CFAP47: variants seen among roughly 807,000 people sequenced by gnomAD.
CFAP47 encodes the protein cilia and flagella associated protein 47.
CFAP47 carries 29 observed loss-of-function variants against 148.1 expected under a neutral mutation model. That is an observed-to-expected ratio of 0.20 (90% CI 0.15 to 0.27). The LOEUF (loss-of-function observed/expected upper bound fraction) is 0.27, where lower values mean the gene tolerates loss of function less well. CFAP47 is among the 10% of genes least tolerant of loss of function. The pLI is 1.00. For synonymous variants in CFAP47, 664 were observed against 577.3 expected, an observed-to-expected ratio of 1.15 and a Z score of -2.15; for missense variants, 1,872 against 1,697.5, an observed-to-expected ratio of 1.10 and a Z score of -1.81.
intron 39 of CFAP47, among the ~76,000 whole-genome samples, chrX:36,161,786 G>A (rs1939434249): frequency 8.9e-6 from 1 of 111,850 alleles, no homozygotes; most frequent in African/African-American, 3.2e-5. Flanking sequence ...AAGGATTTTG[G>A]TAATTTCTTA....
intron 26 of CFAP47, among the ~76,000 whole-genome samples, chrX:36,064,759 T>C (rs747909773): frequency 8.9e-6 from 1 of 111,874 alleles, no homozygotes; most frequent in South Asian, 3.7e-4. Flanking sequence ...TAAGGTGATA[T>C]AGATATAAAA....
chrX:35,938,525 T>A (rs1935951179), intron 2 of CFAP47, among the ~76,000 whole-genome samples: 1 of 111,377 alleles, frequency 9.0e-6, no homozygotes, highest in Admixed American at 9.6e-5. Context: ...AAGCAAAGTA[T>A]TACTGGAAAT....
chrX:36,232,814 G>C (rs1171552398), intron 46 of CFAP47, among the ~76,000 whole-genome samples: 4 of 111,689 alleles, frequency 3.6e-5, no homozygotes, highest in Non-Finnish European at 7.5e-5. Context: ...GGTATGTTGT[G>C]TCTTTGTTCT....
At chrX:36,025,431 C>T (rs865862284) in intron 22 of CFAP47, among the ~76,000 whole-genome samples, 6 of 108,854 alleles carry the variant, frequency 5.5e-5, no homozygotes, top group Admixed American at 9.9e-5. Flanking sequence ...GCTAGAAATT[C>T]GAGACCAACC....
chrX:36,028,801 T>C (rs1243742614), intron 22 of CFAP47, among the ~76,000 whole-genome samples: 1 of 111,113 alleles, frequency 9.0e-6, no homozygotes, highest in Non-Finnish European at 1.9e-5. Flanking sequence ...AGGGATAGTT[T>C]GACTTCCTCT....
intron 56 of CFAP47, 120 bp downstream of exon 56, chrX:36,311,109 T>C: frequency 2.3e-6 from 1 of 441,749 alleles, no homozygotes; most frequent in Non-Finnish European, 3.5e-6. Context: ...AAGAAAATTA[T>C]CTTATAAAAG....
At chrX:35,956,966 C>A (rs772508611) in intron 8 of CFAP47, among the ~76,000 whole-genome samples, 6 of 110,884 alleles carry the variant, frequency 5.4e-5, no homozygotes, top group Non-Finnish European at 9.4e-5. Context: ...AATCCCAGTA[C>A]TTTGGGAGGC....
At chrX:36,043,486 A>G (rs768166954) in intron 25 of CFAP47, among the ~76,000 whole-genome samples, 106 of 113,073 alleles carry the variant, frequency 9.4e-4, no homozygotes, top group African/African-American at 2.5e-3. Flanking sequence ...TCCATATTCC[A>G]AATAGGAGAA....
At chrX:36,128,488 TA>T (rs1938886195) in intron 33 of CFAP47, among the ~76,000 whole-genome samples, 2 of 111,394 alleles carry the variant, frequency 1.8e-5, no homozygotes, top group Admixed American at 1.9e-4. Context: ...GCATATAAGA[TA>T]TTTTTGGTGC....
At chrX:36,146,011 T>G (rs1375756027) in intron 36 of CFAP47, among the ~76,000 whole-genome samples, 7 of 111,386 alleles carry the variant, frequency 6.3e-5, no homozygotes, top group Non-Finnish European at 1.1e-4. Context: ...ATTTACTTTA[T>G]TTCTTTCCTT....
At chrX:35,971,079 A>G (rs758414762) in intron 11 of CFAP47, among the ~76,000 whole-genome samples, 156 bp downstream of exon 11, 1 of 111,793 alleles carries the variant, frequency 8.9e-6, no homozygotes, top group South Asian at 3.7e-4. Flanking sequence ...AACTACAATT[A>G]TTTCTTTTGT....
At chrX:36,062,123 C>A (rs768097612) in intron 26 of CFAP47, among the ~76,000 whole-genome samples, 4 of 111,244 alleles carry the variant, frequency 3.6e-5, no homozygotes, top group Non-Finnish European at 7.5e-5. Context: ...CTGTCCATTT[C>A]TCTGTGAATT....
chrX:35,970,940 CA>C lies in CFAP47; in HGVS notation c.1970+23del, dbSNP rs756681669. 9 of 1,169,767 alleles carry C rather than the reference CA, an allele frequency of 7.7e-6. No individual in the cohort carries two copies. Among genetic ancestry groups the C allele is most frequent in the Non-Finnish European group, 1.0e-5 (9 of 874,516 alleles). On this transcript the variant is annotated intron_variant, in intron 11 of 63. Transcript: ENST00000378653. Reference sequence around the variant, plus strand: ...AGCAGAGAGGTAATGTTCAGTTCCTCAAAAAATATGCAACAGATCATGGTGT... The same window carrying C: ...AGCAGAGAGGTAATGTTCAGTTCCTCAAAAATATGCAACAGATCATGGTGT...
Position 36,371,751 on chromosome X carries a change from TAC to T in CFAP47, c.9185+4630_9185+4631del, listed in dbSNP as rs782175945. Among the ~76,000 whole-genome samples the T allele has an allele frequency of 6.7e-5, 4 of 59,632 alleles. 1 individual carries two copies. The East Asian group carries it at 1.9e-3, about 28-fold the overall frequency. The allele number at this position is 59,632 out of a possible 115,157, so 51.8% of individuals were successfully genotyped here. On this transcript the variant is annotated intron_variant, in intron 62 of 63. Transcript: ENST00000378653. ...ACATGTGTGTATATATGTGTGTATA[TAC>T]ACACATGTGTGTATATACACACATG...
intron 49 of CFAP47, among the ~76,000 whole-genome samples, chrX:36,276,645 A>G (rs1182393106): frequency 2.7e-5 from 3 of 111,881 alleles, no homozygotes. Flanking sequence ...TTGGTAATTT[A>G]TGTTGCACAT....
At chrX:36,300,127 G>A (rs781865310) in intron 52 of CFAP47, among the ~76,000 whole-genome samples, 9 of 110,595 alleles carry the variant, frequency 8.1e-5, no homozygotes, top group African/African-American at 1.6e-4. Context: ...TCATTGGGGC[G>A]TGTATTTTAC....
chrX:36,305,654 A>C (rs1355434319), intron 54 of CFAP47, among the ~76,000 whole-genome samples: 1 of 111,899 alleles, frequency 8.9e-6, no homozygotes, highest in Non-Finnish European at 1.9e-5. Context: ...AATGATAATA[A>C]ATGAAAAATA....
intron 27 of CFAP47, among the ~76,000 whole-genome samples, chrX:36,068,980 A>AT (rs1197405534): frequency 2.8e-5 from 3 of 108,543 alleles, no homozygotes; most frequent in Non-Finnish European, 3.8e-5. Flanking sequence ...AAGAAAAAAG[A>AT]TTTTTTTGAC....
chrX:35,962,988 A>G (rs1350225518), intron 8 of CFAP47, among the ~76,000 whole-genome samples: 3 of 107,107 alleles, frequency 2.8e-5, no homozygotes, highest in Non-Finnish European at 5.8e-5. Context: ...TATGAATACT[A>G]TACAGCCTTA....
Sources: gnomAD v4.1 joint callset for allele counts (sites outside exome capture counted in the v4.1 genomes callset) on GRCh38, gnomAD v4.1.1 for gene constraint, MANE v1.5 for transcripts, NCBI Gene and HGNC (gene_info 2026-07-23, HGNC 2026-07-21) for gene names.